GUCY1A1: variants seen among roughly 807,000 people sequenced by gnomAD.
The protein encoded by GUCY1A1 is guanylate cyclase 1 soluble subunit alpha 1.
A neutral mutation model predicts 64.5 loss-of-function variants in GUCY1A1; 48 were observed. The ratio of observed to expected loss-of-function variants is 0.74; its 90% CI spans 0.59 to 0.95. The LOEUF is 0.95. Ranked by LOEUF, GUCY1A1 falls within the 40% of genes least tolerant of loss-of-function variation. The probability of loss-of-function intolerance (pLI) is 0.00; values close to 1 mark genes in which losing one functional copy is unlikely to be tolerated. For synonymous variants in GUCY1A1, 308 were observed against 303.4 expected (o/e 1.02, Z -0.16); for missense variants, 804 against 825.3 (o/e 0.97, Z 0.32).
Position 155,713,394 on chromosome 4 carries a change from G to A in GUCY1A1, c.1383G>A (p.Glu461=), listed in dbSNP as rs769550598. 1 of 1,614,124 alleles carries A rather than the reference G, an allele frequency of 6.2e-7. No homozygotes were observed. Among genetic ancestry groups the A allele is most frequent in the Non-Finnish European group, 8.5e-7 (1 of 1,179,998 alleles). Residue 461 remains glutamate (E), a synonymous_variant, in exon 7 of 10, where the codon GAG becomes GAA. Coordinates refer to ENST00000506455, the MANE Select transcript of GUCY1A1 (RefSeq NM_001130682.3). Reference sequence around the variant, plus strand: ...TTCTGTGCTCCATATTTCCCTGTGAGGTTGCTCAGCAGCTGTGGCAAGGGC... The same window carrying A: ...TTCTGTGCTCCATATTTCCCTGTGAAGTTGCTCAGCAGCTGTGGCAAGGGC... ...VDLLCSIFPC[E]VAQQLWQGQV...
intron 4 of GUCY1A1, among the ~76,000 whole-genome samples, chr4:155,707,536 A>G (rs1316658499): frequency 1.3e-5 from 2 of 152,184 alleles, no homozygotes; most frequent in Non-Finnish European, 2.9e-5. Flanking sequence ...GCATGGGAGA[A>G]AATCAAAATT....
intron 4 of GUCY1A1, 44 bp downstream of exon 4, chr4:155,704,037 A>G: frequency 9.0e-7 from 1 of 1,105,802 alleles, no homozygotes; most frequent in Non-Finnish European, 1.4e-6. Context: ...TATTACAATG[A>G]CTAATACTGC....
intron 2 of GUCY1A1, among the ~76,000 whole-genome samples, chr4:155,680,889 G>A (rs997005864): frequency 1.8e-4 from 27 of 151,442 alleles, no homozygotes; most frequent in Non-Finnish European, 3.8e-4. Context: ...GACCCATGGA[G>A]TTTGAATCTG....
Position 155,710,634 on chromosome 4 carries a change from G to A in GUCY1A1, c.469G>A (p.Gly157Ser). Residue 157 changes from glycine (G) to serine (S), a missense_variant, in exon 6 of 10, where the codon GGC (glycine) becomes AGC (serine). Transcript: ENST00000506455. ...EDENILGVVG[G>S]TLKDFLNSFS... is the part of the protein sequence containing the mutation. Reference sequence around the variant, plus strand: ...TGAAAACATCCTTGGGGTGGTTGGAGGCACCCTTAAAGATTTTTTAAACAG... The same window carrying A: ...TGAAAACATCCTTGGGGTGGTTGGAAGCACCCTTAAAGATTTTTTAAACAG... 6.2e-7 allele frequency: 1 copy of A among 1,613,176 alleles called. No homozygotes were observed. Among genetic ancestry groups the A allele is most frequent in the Non-Finnish European group, 8.5e-7 (1 of 1,179,208 alleles).
In GUCY1A1 at chr4:155,703,945, A is replaced by ATT. The variant is rs779987094; in HGVS notation, c.270_271insTT (p.Val91LeufsTer13). Reference sequence around the variant, plus strand: ...TTGAACTTTCAGTTTGAACGGCTGAATGTTGCACTTCAGAGAACATTGGCA... The same window carrying ATT: ...TTGAACTTTCAGTTTGAACGGCTGAATTTGTTGCACTTCAGAGAACATTGGCA... On this transcript the variant is annotated frameshift_variant, in exon 4 of 10. Coordinates refer to ENST00000506455, the MANE Select transcript of GUCY1A1 (RefSeq NM_001130682.3). LOFTEE classifies it high-confidence loss of function. 1 of 1,605,774 alleles carries ATT rather than the reference A, an allele frequency of 6.2e-7. No individual in the cohort carries two copies. The highest frequency in any genetic ancestry group is 2.2e-5 in the East Asian group (1 of 44,816).
chr4:155,693,019 A>T (rs1356227272), intron 2 of GUCY1A1, among the ~76,000 whole-genome samples: 1 of 152,118 alleles, frequency 6.6e-6, no homozygotes, highest in African/African-American at 2.4e-5. Flanking sequence ...AGATCATGCC[A>T]CTGCACTCCA....
chr4:155,686,138 A>G (rs559816427), intron 2 of GUCY1A1, among the ~76,000 whole-genome samples: 2 of 152,282 alleles, frequency 1.3e-5, no homozygotes, highest in South Asian at 2.1e-4. Flanking sequence ...CCTGCTCACA[A>G]CCTAAACCTT....
chr4:155,696,821 A>G lies in GUCY1A1; in HGVS notation c.-47A>G. On this transcript the variant is annotated 5_prime_UTR_variant, in exon 3 of 10. Coordinates refer to ENST00000506455, the MANE Select transcript of GUCY1A1 (RefSeq NM_001130682.3). Reference sequence around the variant, plus strand: ...TGTTTGTCAGTCTCATATAAGAACTACAGCTCATCAGGAGGAGATCGCAGC... The same window carrying G: ...TGTTTGTCAGTCTCATATAAGAACTGCAGCTCATCAGGAGGAGATCGCAGC... 1 of 1,585,542 alleles carries G rather than the reference A, an allele frequency of 6.3e-7. No individual in the cohort carries two copies. Among genetic ancestry groups the G allele is most frequent in the East Asian group, 2.2e-5 (1 of 44,684 alleles).
chr4:155,697,760 C>A (rs934247039), intron 3 of GUCY1A1, among the ~76,000 whole-genome samples: 6 of 152,136 alleles, frequency 3.9e-5, no homozygotes, highest in Non-Finnish European at 5.9e-5. Context: ...CTTCATATAG[C>A]CCTGCAAGCT....
intron 2 of GUCY1A1, among the ~76,000 whole-genome samples, chr4:155,673,893 G>A (rs936207811): frequency 4.0e-5 from 6 of 151,404 alleles, no homozygotes; most frequent in Non-Finnish European, 7.4e-5. Flanking sequence ...ATGTTTTCCT[G>A]TAACACATTG....
intron 4 of GUCY1A1, 68 bp downstream of exon 4, chr4:155,704,061 C>A: frequency 1.1e-6 from 1 of 891,740 alleles, no homozygotes; most frequent in Non-Finnish European, 1.8e-6. Context: ...TAATGGCCAG[C>A]AGTTACTGAA....
At chr4:155,676,497 T>C (rs1734963377) in intron 2 of GUCY1A1, among the ~76,000 whole-genome samples, 1 of 151,506 alleles carries the variant, frequency 6.6e-6, no homozygotes, top group Non-Finnish European at 1.5e-5. Flanking sequence ...AGTAGTTGCA[T>C]GTTGTCACCG....
At chr4:155,680,130 C>A (rs1735525960) in intron 2 of GUCY1A1, among the ~76,000 whole-genome samples, 1 of 151,940 alleles carries the variant, frequency 6.6e-6, no homozygotes, top group Admixed American at 6.6e-5. Flanking sequence ...ATCTATAAAC[C>A]AGTTTAGAGA....
chr4:155,713,063 G>A, intron 6 of GUCY1A1, 35 bp from the exon 7 acceptor site: 5 of 1,554,038 alleles, frequency 3.2e-6, no homozygotes, highest in Non-Finnish European at 3.5e-6. Flanking sequence ...TGGGAAACTT[G>A]AATAAACCAC....
rs764768226 is a variant in GUCY1A1, at chr4:155,722,242, A to G, written c.1871+50A>G. 1.5e-4 allele frequency: 230 copies of G among 1,578,814 alleles called. 7 individuals are homozygous for G. In the South Asian group the frequency reaches 2.6e-3, roughly 18 times the overall value. On this transcript the variant is annotated intron_variant, in intron 9 of 9. Transcript: ENST00000506455. ...AATCTCTTGTTTTTATTTATATACA[A>G]TTGCCATTTGCCCCACTGATTTGAT...
intron 4 of GUCY1A1, among the ~76,000 whole-genome samples, chr4:155,707,133 A>G (rs1731885835): frequency 6.6e-6 from 1 of 152,174 alleles, no homozygotes; most frequent in African/African-American, 2.4e-5. Context: ...CTTAAAAGTG[A>G]ATTCTATCTG....
At chr4:155,704,926 G>A (rs34914832) in intron 4 of GUCY1A1, among the ~76,000 whole-genome samples, 26,979 of 152,014 alleles carry the variant, frequency 0.18, 2,704 homozygotes, top group Middle Eastern at 0.23. Context: ...TTGCTCTGTC[G>A]CCTAGGCTGG....
chr4:155,699,652 T>G (rs1383466985), intron 3 of GUCY1A1, among the ~76,000 whole-genome samples: 1 of 152,176 alleles, frequency 6.6e-6, no homozygotes, highest in African/African-American at 2.4e-5. Flanking sequence ...TCAATCTAGA[T>G]GACTTCAAAC....
chr4:155,712,006 A>T (rs1732634522), intron 6 of GUCY1A1, among the ~76,000 whole-genome samples: 1 of 152,254 alleles, frequency 6.6e-6, no homozygotes, highest in South Asian at 2.1e-4. Flanking sequence ...TAAAACAAAA[A>T]AATGCTATTT....
Sources: gnomAD v4.1 joint callset for allele counts (sites outside exome capture counted in the v4.1 genomes callset) on GRCh38, gnomAD v4.1.1 for gene constraint, MANE v1.5 for transcripts, NCBI Gene and HGNC (gene_info 2026-07-23, HGNC 2026-07-21) for gene names.